The following PIK3AP1 variants were observed in gnomAD, a reference collection of about 807,000 sequenced individuals.
PIK3AP1 encodes phosphoinositide-3-kinase adaptor protein 1.
A neutral mutation model predicts 88.1 loss-of-function variants in PIK3AP1; 21 were observed. The ratio of observed to expected loss-of-function variants is 0.24; its 90% CI spans 0.17 to 0.34. PIK3AP1 has a LOEUF of 0.34. Among genes scored for constraint, PIK3AP1 ranks in the 10% least tolerant of loss-of-function variants. PIK3AP1 has a pLI of 1.00. For missense variants in PIK3AP1, 828 were observed against 1,035.7 expected (o/e 0.80, Z 2.75); for synonymous variants, 398 against 400.0 (o/e 1.00, Z 0.06).
At chr10:96,613,669 TG>T (rs1849164702) in intron 13 of PIK3AP1, among the ~76,000 whole-genome samples, 1 of 152,208 alleles carries the variant, frequency 6.6e-6, no homozygotes, top group Admixed American at 6.5e-5. Flanking sequence ...CTGTCGCTAC[TG>T]GTGGGTATAA....
intron 2 of PIK3AP1, among the ~76,000 whole-genome samples, chr10:96,693,668 A>C (rs913060298): frequency 6.6e-6 from 1 of 152,214 alleles, no homozygotes; most frequent in African/African-American, 2.4e-5. Context: ...CAGATCTTAC[A>C]TATGCTACTC....
At chr10:96,636,797 A>C (rs1363750016) in intron 8 of PIK3AP1, among the ~76,000 whole-genome samples, 2 of 152,042 alleles carry the variant, frequency 1.3e-5, no homozygotes, top group African/African-American at 2.4e-5. Context: ...ACTGTACTTG[A>C]GGAGTCAGCC....
chr10:96,691,555 C>T (rs1189232292), intron 2 of PIK3AP1, among the ~76,000 whole-genome samples: 1 of 152,198 alleles, frequency 6.6e-6, no homozygotes, highest in African/African-American at 2.4e-5. Flanking sequence ...CAACACTTAA[C>T]TTAGTTAAAT....
chr10:96,659,461 C>T (rs1342209701), intron 2 of PIK3AP1, among the ~76,000 whole-genome samples: 1 of 152,048 alleles, frequency 6.6e-6, no homozygotes, highest in African/African-American at 2.4e-5. Context: ...CTTTATTTCT[C>T]CCAAATTACT....
At chr10:96,658,836 GTT>G (rs1843649720) in intron 2 of PIK3AP1, among the ~76,000 whole-genome samples, 1 of 152,176 alleles carries the variant, frequency 6.6e-6, no homozygotes. Flanking sequence ...GACCCAGAGT[GTT>G]CTACGCAAGG....
In PIK3AP1 at chr10:96,680,304, AT is replaced by A. The variant is rs548564794; in HGVS notation, c.431-23371del. Among the ~76,000 whole-genome samples, 870 of 146,508 alleles carry A rather than the reference AT, an allele frequency of 5.9e-3. 5 individuals carry two copies. Among genetic ancestry groups the A allele is most frequent in the African/African-American group, 0.017 (696 of 40,202 alleles). On this transcript the variant is annotated intron_variant, in intron 2 of 16. Transcript: ENST00000339364. ...TTTTAGCGGCCACATCATACTATTG[AT>A]TTTTTTTTTTTAACTTTTAAGTTCA...
chr10:96,654,001 C>G (rs1287374076), intron 3 of PIK3AP1, among the ~76,000 whole-genome samples: 1 of 152,220 alleles, frequency 6.6e-6, no homozygotes, highest in Non-Finnish European at 1.5e-5. Flanking sequence ...AATGCAGAGT[C>G]TCAGGCCCCT....
At chr10:96,612,684 G>A (rs1301124184) in intron 13 of PIK3AP1, among the ~76,000 whole-genome samples, 3 of 151,924 alleles carry the variant, frequency 2.0e-5, no homozygotes, top group African/African-American at 4.8e-5. Flanking sequence ...GCAGAATGAT[G>A]AGTGCCCCTC....
intron 2 of PIK3AP1, among the ~76,000 whole-genome samples, chr10:96,672,680 A>G (rs537287069): frequency 2.6e-5 from 4 of 152,284 alleles, no homozygotes; most frequent in East Asian, 1.9e-4. Flanking sequence ...ATGACAACCA[A>G]TGAAAGCACC....
At chr10:96,707,264 C>G (rs1844376667) in intron 2 of PIK3AP1, among the ~76,000 whole-genome samples, 1 of 152,142 alleles carries the variant, frequency 6.6e-6, no homozygotes, top group Non-Finnish European at 1.5e-5. Context: ...TTTTTTCTAT[C>G]TACTTCAAAA....
chr10:96,651,351 C>G lies in PIK3AP1; in HGVS notation c.885G>C (p.Glu295Asp), dbSNP rs749912508. The G allele has an allele frequency of 1.2e-6, 2 of 1,614,028 alleles. No homozygotes were observed. Among genetic ancestry groups the G allele is most frequent in the African/African-American group, 2.7e-5 (2 of 74,890 alleles). Reference sequence around the variant, plus strand: ...ATTCGGTTAGCAGTTTATCAAGGGTCTCTGTGTTGTAGGGCACAATTTTAA... The same window carrying G: ...ATTCGGTTAGCAGTTTATCAAGGGTGTCTGTGTTGTAGGGCACAATTTTAA... ...QAFKIVPYNT[E>D]TLDKLLTESL... is the part of the protein sequence containing the mutation. Residue 295 changes from glutamate to aspartate, a missense_variant, in exon 6 of 17, where the codon GAG becomes GAC. Physicochemically the swap from Glu to Asp is conservative, Grantham distance 45. Transcript: ENST00000339364.
intron 2 of PIK3AP1, among the ~76,000 whole-genome samples, chr10:96,671,497 C>T (rs1309355249): frequency 6.6e-6 from 1 of 151,998 alleles, no homozygotes; most frequent in African/African-American, 2.4e-5. Context: ...CCAGCTACCC[C>T]CAAAGTCACA....
intron 2 of PIK3AP1, among the ~76,000 whole-genome samples, chr10:96,665,267 T>C (rs559870321): frequency 5.3e-5 from 8 of 152,338 alleles, no homozygotes; most frequent in African/African-American, 1.9e-4. Flanking sequence ...AAAGGATCCA[T>C]GTAATAAATA....
At chr10:96,676,639 CG>C (rs1168760364) in intron 2 of PIK3AP1, among the ~76,000 whole-genome samples, 2 of 141,418 alleles carry the variant, frequency 1.4e-5, no homozygotes, top group East Asian at 4.1e-4. Flanking sequence ...AAAACACACA[CG>C]GGGATTTTCT....
intron 2 of PIK3AP1, among the ~76,000 whole-genome samples, chr10:96,696,718 C>T (rs774647519): frequency 3.9e-5 from 6 of 152,118 alleles, no homozygotes; most frequent in Admixed American, 6.5e-5. Context: ...TCCTTCATAT[C>T]CACACAGATA....
chr10:96,692,554 CAGAGCAA>C (rs1844167422), intron 2 of PIK3AP1, among the ~76,000 whole-genome samples: 2 of 149,928 alleles, frequency 1.3e-5, no homozygotes, highest in African/African-American at 4.9e-5. Context: ...CTTACTCTGA[CAGAGCAA>C]GATTCCATCT....
chr10:96,610,760 T>C (rs1849093171), intron 13 of PIK3AP1, among the ~76,000 whole-genome samples: 1 of 152,152 alleles, frequency 6.6e-6, no homozygotes, highest in Non-Finnish European at 1.5e-5. Context: ...TGCTGGGTTC[T>C]AGGAGCAGAA....
At chr10:96,627,331 A>T (rs1004493485) in intron 9 of PIK3AP1, among the ~76,000 whole-genome samples, 3 of 152,230 alleles carry the variant, frequency 2.0e-5, no homozygotes, top group Non-Finnish European at 4.4e-5. Flanking sequence ...CCTCTCAGGG[A>T]AACTTTTCAT....
Position 96,651,523 on chromosome 10 carries a change from C to T in PIK3AP1, c.841G>A (p.Glu281Lys). 1 of 1,614,180 alleles carries T rather than the reference C, an allele frequency of 6.2e-7. No homozygotes were observed. The highest frequency in any genetic ancestry group is 1.1e-5 in the South Asian group (1 of 91,080). ...NLLSNAANPV[E>K]FMCQAFKIVP... ...AATATCCTTACCTGACACATGAATT[C>T]CACAGGATTCGCGGCATTGGACAAT... The change falls in exon 5 of 17, where the codon GAA (glutamate) becomes AAA (lysine). Residue 281 changes from glutamate (E) to lysine (K), a missense_variant. Transcript: ENST00000339364.
Sources: allele counts gnomAD v4.1 joint callset (sites outside exome capture counted in the v4.1 genomes callset), GRCh38; gene constraint gnomAD v4.1.1; transcripts MANE v1.5; gene names NCBI Gene and HGNC (gene_info 2026-07-23, HGNC 2026-07-21).